The following GRM5 variants were observed in gnomAD, a reference collection of about 807,000 sequenced individuals.
GRM5 encodes metabotropic glutamate receptor 5.
In GRM5, 19 loss-of-function variants were observed where a neutral mutation model predicts 83.1. The observed-to-expected ratio is 0.23, with a 90% CI of 0.16 to 0.34. The LOEUF (loss-of-function observed/expected upper bound fraction) is 0.34. GRM5 is among the 10% of genes least tolerant of loss of function. The pLI is 1.00. For synonymous variants in GRM5, 675 were observed against 633.6 expected (o/e 1.07, Z -0.98); for missense variants, 1,160 against 1,588.3 (o/e 0.73, Z 4.58).
intron 8 of GRM5, among the ~76,000 whole-genome samples, chr11:88,539,392 G>A (rs1309116349): frequency 6.6e-6 from 1 of 152,096 alleles, no homozygotes; most frequent in Non-Finnish European, 1.5e-5. Context: ...TGTTCATAGG[G>A]TTAGTTATGC....
At chr11:88,991,708 G>A (rs878883582) in intron 2 of GRM5, among the ~76,000 whole-genome samples, 5,524 of 151,520 alleles carry the variant, frequency 0.036, 316 homozygotes, top group African/African-American at 0.13. Context: ...AAATAACGCC[G>A]CATATCTACA....
At chr11:88,720,796 C>CTGTGTGTGTGTGTGTG (rs748475378) in intron 3 of GRM5, among the ~76,000 whole-genome samples, 8 of 141,672 alleles carry the variant, frequency 5.6e-5, no homozygotes, top group South Asian at 4.6e-4. Context: ...AATCATTACT[C>CTGTGTGTGTGTGTGTG]TGTGTGTGTG....
At chr11:88,850,792 G>A (rs1040324587) in intron 2 of GRM5, among the ~76,000 whole-genome samples, 43 of 152,084 alleles carry the variant, frequency 2.8e-4, no homozygotes, top group African/African-American at 9.6e-4. Context: ...ACAACCATGG[G>A]GAAGTTATTG....
chr11:88,908,345 GA>G (rs1466716585), intron 2 of GRM5, among the ~76,000 whole-genome samples: 4 of 151,910 alleles, frequency 2.6e-5, no homozygotes, highest in Non-Finnish European at 5.9e-5. Flanking sequence ...TTACATGATG[GA>G]AAAAATTTGT....
intron 8 of GRM5, among the ~76,000 whole-genome samples, chr11:88,537,605 A>G (rs1942165388): frequency 6.6e-6 from 1 of 152,176 alleles, no homozygotes; most frequent in Non-Finnish European, 1.5e-5. Flanking sequence ...GTGAAGCCAA[A>G]TTTAAAAAGA....
intron 2 of GRM5, among the ~76,000 whole-genome samples, chr11:88,974,928 G>A (rs2135011770): frequency 6.6e-6 from 1 of 152,302 alleles, no homozygotes; most frequent in East Asian, 1.9e-4. Flanking sequence ...TGAAGACCTT[G>A]TCTTAGATAA....
chr11:88,648,507 G>A (rs1189510330), intron 4 of GRM5, among the ~76,000 whole-genome samples: 2 of 101,742 alleles, frequency 2.0e-5, no homozygotes, highest in Non-Finnish European at 3.9e-5. Flanking sequence ...CTGTGGTGGG[G>A]TGGGGGGAGG....
At chr11:89,062,295 C>A (rs998141106) in intron 1 of GRM5, among the ~76,000 whole-genome samples, 1 of 152,222 alleles carries the variant, frequency 6.6e-6, no homozygotes, top group Admixed American at 6.5e-5. Context: ...TACCTGAACA[C>A]TCCACAGCTG....
intron 4 of GRM5, 87 bp from the exon 5 acceptor site, chr11:88,605,051 T>C: frequency 9.2e-7 from 1 of 1,084,856 alleles, no homozygotes; most frequent in Non-Finnish European, 1.4e-6. Flanking sequence ...TTACCTGTAA[T>C]TAGAGAATGC....
chr11:88,908,746 C>A (rs1447800632), intron 2 of GRM5, among the ~76,000 whole-genome samples: 3 of 152,102 alleles, frequency 2.0e-5, no homozygotes, highest in Non-Finnish European at 4.4e-5. Context: ...CATTATTCGA[C>A]TGTGAAAATC....
At chr11:88,684,239 A>G (rs558329559) in intron 3 of GRM5, among the ~76,000 whole-genome samples, 1 of 152,312 alleles carries the variant, frequency 6.6e-6, no homozygotes, top group Admixed American at 6.5e-5. Flanking sequence ...TGATTTGTAA[A>G]TCATTTTATT....
At chr11:88,997,333 TA>T (rs371168643) in intron 2 of GRM5, among the ~76,000 whole-genome samples, 173 of 119,906 alleles carry the variant, frequency 1.4e-3, no homozygotes, top group East Asian at 3.3e-3. Context: ...GTCTCAAAAT[TA>T]AAAAAAAAAA....
chr11:88,816,676 T>G (rs1349041336), intron 3 of GRM5, among the ~76,000 whole-genome samples: 2 of 125,556 alleles, frequency 1.6e-5, no homozygotes, highest in Admixed American at 7.8e-5. Flanking sequence ...ATTTAAAAAA[T>G]CAGTGAATCA....
intron 8 of GRM5, among the ~76,000 whole-genome samples, chr11:88,530,233 T>C (rs757800687): frequency 1.3e-5 from 2 of 152,060 alleles, no homozygotes; most frequent in African/African-American, 2.4e-5. Flanking sequence ...GAGTGCCTTG[T>C]ATATGCTAGA....
chr11:88,566,443 T>C (rs1419034593), intron 8 of GRM5, among the ~76,000 whole-genome samples: 1 of 152,210 alleles, frequency 6.6e-6, no homozygotes, highest in Admixed American at 6.5e-5. Context: ...GGAAAATGAC[T>C]GGTTGTTTTT....
intron 3 of GRM5, among the ~76,000 whole-genome samples, chr11:88,763,333 C>T (rs538741194): frequency 7.9e-5 from 12 of 151,714 alleles, no homozygotes; most frequent in African/African-American, 2.2e-4. Flanking sequence ...CATAAGAAGA[C>T]ATAACAATGT....
intron 9 of GRM5, among the ~76,000 whole-genome samples, chr11:88,512,811 T>C (rs1469664179): frequency 1.3e-5 from 2 of 152,366 alleles, no homozygotes; most frequent in East Asian, 3.9e-4. Context: ...TTTATGTGAA[T>C]ACAGCATTTC....
At chr11:88,888,336 A>G (rs1043127540) in intron 2 of GRM5, among the ~76,000 whole-genome samples, 1 of 152,196 alleles carries the variant, frequency 6.6e-6, no homozygotes, top group African/African-American at 2.4e-5. Context: ...GAGGTGAGCA[A>G]TAGGTCTCCT....
intron 2 of GRM5, among the ~76,000 whole-genome samples, chr11:88,918,718 A>C (rs1945636902): frequency 6.6e-6 from 1 of 150,926 alleles, no homozygotes; most frequent in African/African-American, 2.4e-5. Context: ...AAGAAGATAT[A>C]AATAGAAACA....
Sources: gnomAD v4.1 joint callset for allele counts (sites outside exome capture counted in the v4.1 genomes callset) on GRCh38, gnomAD v4.1.1 for gene constraint, MANE v1.5 for transcripts, NCBI Gene and HGNC (gene_info 2026-07-23, HGNC 2026-07-21) for gene names.